Variants in TAFA2 observed in about 807,000 individuals in gnomAD.
TAFA2 encodes the protein chemokine-like protein TAFA-2.
TAFA2 carries 7 observed loss-of-function variants against 18.8 expected under a neutral mutation model. The ratio of observed to expected loss-of-function variants is 0.37; its 90% CI spans 0.21 to 0.70. The LOEUF is 0.70. TAFA2 is among the 30% of genes least tolerant of loss of function. The probability of loss-of-function intolerance (pLI) is 0.53; values close to 1 mark genes in which losing one functional copy is unlikely to be tolerated. For missense variants in TAFA2, 122 were observed against 158.1 expected (o/e 0.77, Z 1.23); for synonymous variants, 60 against 54.2 (o/e 1.11, Z -0.47).
At chr12:61,770,777 T>A (rs535779617) in intron 2 of TAFA2, among the ~76,000 whole-genome samples, 26 of 151,914 alleles carry the variant, frequency 1.7e-4, no homozygotes, top group Non-Finnish European at 3.5e-4. Context: ...TACACCAAAA[T>A]AGAATCTCCT....
intron 1 of TAFA2, among the ~76,000 whole-genome samples, chr12:62,154,413 C>G (rs2062353877): frequency 6.6e-6 from 1 of 152,048 alleles, no homozygotes; most frequent in Non-Finnish European, 1.5e-5. Context: ...ACATGCTACC[C>G]CTGATAACAA....
At chr12:61,805,562 T>A (rs2120985969) in intron 2 of TAFA2, among the ~76,000 whole-genome samples, 2 of 152,256 alleles carry the variant, frequency 1.3e-5, no homozygotes, top group East Asian at 3.9e-4. Flanking sequence ...CTAATTAATA[T>A]AGTGGCAGAT....
At chr12:61,720,939 CAT>C (rs774208431) in intron 4 of TAFA2, 1 of 517,742 alleles carries the variant, frequency 1.9e-6, no homozygotes, top group Non-Finnish European at 3.9e-6. Context: ...GGAACAAACA[CAT>C]GTCAGGCACT....
chr12:62,209,818 C>T (rs535180888), intron 1 of TAFA2, among the ~76,000 whole-genome samples: 1 of 152,322 alleles, frequency 6.6e-6, no homozygotes, highest in Non-Finnish European at 1.5e-5. Flanking sequence ...TTTTTGTAAT[C>T]ATTCTATATG....
chr12:62,181,576 TC>T (rs2136951691), intron 1 of TAFA2, among the ~76,000 whole-genome samples: 1 of 152,322 alleles, frequency 6.6e-6, no homozygotes, highest in Non-Finnish European at 1.5e-5. Context: ...ATTGCTTCAC[TC>T]CCTCAGACTG....
At chr12:62,186,875 G>A (rs965010188) in intron 1 of TAFA2, among the ~76,000 whole-genome samples, 17 of 152,028 alleles carry the variant, frequency 1.1e-4, no homozygotes, top group African/African-American at 3.9e-4. Context: ...GTTTTCCAAT[G>A]GCAATACCAA....
chr12:62,025,260 G>A (rs896291904), intron 1 of TAFA2, among the ~76,000 whole-genome samples: 2 of 152,106 alleles, frequency 1.3e-5, no homozygotes, highest in Non-Finnish European at 2.9e-5. Context: ...CTAGAGGAGG[G>A]AAGGAGAGAG....
At chr12:62,032,666 T>C (rs942048475) in intron 1 of TAFA2, among the ~76,000 whole-genome samples, 1 of 149,164 alleles carries the variant, frequency 6.7e-6, no homozygotes, top group Non-Finnish European at 1.5e-5. Flanking sequence ...GACTTCTTGA[T>C]GCATTAATTA....
chr12:62,153,029 G>A (rs958132734), intron 1 of TAFA2, among the ~76,000 whole-genome samples: 28 of 152,036 alleles, frequency 1.8e-4, no homozygotes, highest in African/African-American at 6.8e-4. Flanking sequence ...CCAGCTTTTG[G>A]CATAAAAAAG....
At chr12:61,858,442 T>A (rs963405006) in intron 2 of TAFA2, among the ~76,000 whole-genome samples, 7 of 152,088 alleles carry the variant, frequency 4.6e-5, no homozygotes, top group African/African-American at 1.4e-4. Context: ...AAAATTATTT[T>A]TTATTATTAT....
intron 2 of TAFA2, among the ~76,000 whole-genome samples, chr12:61,852,395 G>A (rs1227547055): frequency 6.6e-6 from 1 of 152,262 alleles, no homozygotes; most frequent in Non-Finnish European, 1.5e-5. Flanking sequence ...GAGCGAGTGA[G>A]CTGTGGATAG....
intron 1 of TAFA2, among the ~76,000 whole-genome samples, chr12:62,058,241 TTAGTGAG>T (rs1882238275): frequency 1.3e-5 from 2 of 152,184 alleles, no homozygotes; most frequent in Non-Finnish European, 2.9e-5. Flanking sequence ...TGATGGGCCT[TTAGTGAG>T]ATTTCCGTTT....
At chr12:61,821,188 A>C (rs993005804) in intron 2 of TAFA2, among the ~76,000 whole-genome samples, 1 of 151,474 alleles carries the variant, frequency 6.6e-6, no homozygotes, top group South Asian at 2.1e-4. Context: ...GTGCTGAAAC[A>C]TCTTATTACC....
At chr12:62,142,042 A>T (rs2062244267) in intron 1 of TAFA2, among the ~76,000 whole-genome samples, 1 of 152,196 alleles carries the variant, frequency 6.6e-6, no homozygotes, top group Non-Finnish European at 1.5e-5. Flanking sequence ...TCCAACAGGG[A>T]AGCACCTTTA....
chr12:62,248,765 A>T (rs916116213), intron 1 of TAFA2, among the ~76,000 whole-genome samples: 1 of 152,180 alleles, frequency 6.6e-6, no homozygotes, highest in African/African-American at 2.4e-5. Flanking sequence ...GCGGCAAAAT[A>T]TATATAATAA....
intron 1 of TAFA2, among the ~76,000 whole-genome samples, chr12:61,935,033 T>G (rs1877708183): frequency 1.3e-5 from 2 of 152,174 alleles, no homozygotes; most frequent in South Asian, 4.1e-4. Flanking sequence ...CACGAGTACA[T>G]GAAATTACTA....
chr12:61,895,254 G>A (rs1360878563), intron 1 of TAFA2, among the ~76,000 whole-genome samples: 1 of 152,068 alleles, frequency 6.6e-6, no homozygotes, highest in Non-Finnish European at 1.5e-5. Flanking sequence ...TATCAGTTGA[G>A]AAAAATGAGA....
intron 1 of TAFA2, among the ~76,000 whole-genome samples, chr12:62,205,851 G>A (rs2062689457): frequency 6.6e-6 from 1 of 152,134 alleles, no homozygotes; most frequent in African/African-American, 2.4e-5. Context: ...CAAGGCCCTG[G>A]TGGCATGGGC....
Position 61,795,762 on chromosome 12 carries a change from C to CA in TAFA2, c.107-40739dup, listed in dbSNP as rs561553263. On this transcript the variant is annotated intron_variant, in intron 2 of 4. Transcript: ENST00000416284. The stretch of plus-strand genomic sequence containing the variant: ...ACTAAGCAAAATAAACTAAAAAATG[C>CA]AAAAAAATAAATAAATAAAAAGAAA... Among the ~76,000 whole-genome samples the CA allele has an allele frequency of 3.0e-3, 442 of 146,622 alleles. 3 individuals are homozygous for CA. Among genetic ancestry groups the CA allele is most frequent in the African/African-American group, 8.3e-3 (330 of 39,764 alleles).
Sources: gnomAD v4.1 joint callset for allele counts (sites outside exome capture counted in the v4.1 genomes callset) on GRCh38, gnomAD v4.1.1 for gene constraint, MANE v1.5 for transcripts, NCBI Gene and HGNC (gene_info 2026-07-23, HGNC 2026-07-21) for gene names.